Variants in TPD52L1 observed in about 807,000 individuals in gnomAD.
TPD52L1 encodes the protein TPD52 like 1.
Under a neutral mutation model 28.7 loss-of-function variants are expected in TPD52L1, and 18 were observed. The observed-to-expected ratio is 0.63, with a 90% CI of 0.43 to 0.93. TPD52L1 has a LOEUF of 0.93. Ranked by LOEUF, TPD52L1 falls within the 40% of genes least tolerant of loss-of-function variation. The pLI, the probability that TPD52L1 is intolerant of heterozygous loss-of-function variation, is 0.00. For missense variants in TPD52L1, 203 were observed against 254.8 expected, an observed-to-expected ratio of 0.80 and a Z score of 1.39; for synonymous variants, 75 against 88.8, an observed-to-expected ratio of 0.84 and a Z score of 0.88.
At chr6:125,169,455 CCCT>C (rs1013899188) in intron 1 of TPD52L1, among the ~76,000 whole-genome samples, 4 of 152,162 alleles carry the variant, frequency 2.6e-5, no homozygotes, top group African/African-American at 9.7e-5. Context: ...CTCCTGAGCT[CCCT>C]CCTCCAAAAT....
intron 4 of TPD52L1, chr6:125,252,134 A>G: frequency 1.5e-6 from 2 of 1,341,476 alleles, no homozygotes; most frequent in Admixed American, 4.1e-5. Context: ...GCCTGAACCA[A>G]CAAAACTACA....
chr6:125,256,190 A>G (rs1321133493), intron 5 of TPD52L1, among the ~76,000 whole-genome samples: 6 of 152,136 alleles, frequency 3.9e-5, no homozygotes, highest in Non-Finnish European at 8.8e-5. Context: ...TCTACTAAAA[A>G]TTCAAAAAAA....
chr6:125,216,061 GTCTA>G (rs1249838412), intron 1 of TPD52L1, among the ~76,000 whole-genome samples: 4 of 152,150 alleles, frequency 2.6e-5, no homozygotes, highest in Admixed American at 1.3e-4. Context: ...TACTTTCTGG[GTCTA>G]TCTCTCATAG....
Position 125,180,567 on chromosome 6 carries a change from TATAC to T in TPD52L1, c.19+26599_19+26602del, listed in dbSNP as rs760280954. ...CATACACACACACACATATATTATA[TATAC>T]ACACACACACACACACACACACACT... On this transcript the variant is annotated intron_variant, in intron 1 of 6. Transcript: ENST00000534000. Among the ~76,000 whole-genome samples, 12 of 146,874 alleles carry T rather than the reference TATAC, an allele frequency of 8.2e-5. No homozygotes were observed. In the South Asian group the frequency reaches 2.4e-3, roughly 29 times the overall value.
At chr6:125,213,727 T>C (rs1794668718) in intron 1 of TPD52L1, among the ~76,000 whole-genome samples, 1 of 152,110 alleles carries the variant, frequency 6.6e-6, no homozygotes, top group African/African-American at 2.4e-5. Flanking sequence ...CCAACACCCC[T>C]GGACCTGCCA....
At chr6:125,159,989 A>T (rs899461028) in intron 1 of TPD52L1, among the ~76,000 whole-genome samples, 1 of 152,178 alleles carries the variant, frequency 6.6e-6, no homozygotes, top group African/African-American at 2.4e-5. Context: ...CTCACGAGAC[A>T]TGATGGTTTT....
At chr6:125,221,289 G>A (rs1336245183) in intron 2 of TPD52L1, among the ~76,000 whole-genome samples, 1 of 152,190 alleles carries the variant, frequency 6.6e-6, no homozygotes, top group Non-Finnish European at 1.5e-5. Flanking sequence ...TGGCCACTGA[G>A]TGGCTGCACG....
At chr6:125,186,819 A>C (rs1014310407) in intron 1 of TPD52L1, among the ~76,000 whole-genome samples, 1 of 152,216 alleles carries the variant, frequency 6.6e-6, no homozygotes, top group African/African-American at 2.4e-5. Context: ...AGTTAATTTT[A>C]TATAGATTAA....
intron 5 of TPD52L1, 67 bp from the exon 6 acceptor site, chr6:125,257,031 A>T: frequency 7.0e-7 from 1 of 1,438,614 alleles, no homozygotes; most frequent in Non-Finnish European, 9.5e-7. Context: ...TGAGCAGAAA[A>T]CCAAACAGCA....
rs1795124586 is a variant in TPD52L1 at position 125,219,954 on chromosome 6, G to A, written c.20-124G>A. 6 of 753,124 alleles carry A rather than the reference G, an allele frequency of 8.0e-6. No homozygotes were observed. The East Asian group carries it at 1.6e-4, about 20-fold the overall frequency. 46.7% of individuals were successfully genotyped at this position (753,124 alleles called of 1,614,324 possible). ...TTTAGGAGGATTTTTGTCTTTTCTGGAATTTTTAGTTGTTTTTTGGTGGGA... is the reference window on the plus strand; with the variant it reads ...TTTAGGAGGATTTTTGTCTTTTCTGAAATTTTTAGTTGTTTTTTGGTGGGA... On this transcript the variant is annotated intron_variant, in intron 1 of 6. Transcript: ENST00000534000.
At chr6:125,252,893 G>A in intron 4 of TPD52L1, 1 of 152,218 alleles carries the variant, frequency 6.6e-6, no homozygotes, top group East Asian at 1.9e-4. Context: ...TTTGGTCCCT[G>A]AACTATTAGC....
chr6:125,219,874 T>G, intron 1 of TPD52L1: 1 of 594,132 alleles, frequency 1.7e-6, no homozygotes. Flanking sequence ...TTCTCTTAAT[T>G]TTTTTCTTTT....
intron 1 of TPD52L1, among the ~76,000 whole-genome samples, chr6:125,185,249 G>A (rs1306627156): frequency 2.0e-5 from 3 of 152,148 alleles, no homozygotes; most frequent in Non-Finnish European, 4.4e-5. Context: ...GTAGATAACA[G>A]GTTAGGACAG....
intron 1 of TPD52L1, among the ~76,000 whole-genome samples, chr6:125,172,009 C>T (rs1004778495): frequency 2.0e-5 from 3 of 151,832 alleles, no homozygotes; most frequent in East Asian, 3.9e-4. Flanking sequence ...CTATTTAAAA[C>T]GGTACCCTTC....
chr6:125,172,108 CTTTCTTTCTTT>C (rs1562209990), intron 1 of TPD52L1, among the ~76,000 whole-genome samples: 1,267 of 69,334 alleles, frequency 0.018, 38 homozygotes, highest in Admixed American at 0.022. Flanking sequence ...CCCTTTCTTT[CTTTCTTTCTTT>C]CTTTCTTTCT....
chr6:125,184,282 A>G (rs1582879888), intron 1 of TPD52L1, among the ~76,000 whole-genome samples: 1 of 152,240 alleles, frequency 6.6e-6, no homozygotes, highest in Admixed American at 6.5e-5. Flanking sequence ...CATCGGCTCC[A>G]TAACTGCTCC....
chr6:125,183,340 ATAG>A (rs899321027), intron 1 of TPD52L1, among the ~76,000 whole-genome samples: 7 of 152,164 alleles, frequency 4.6e-5, no homozygotes, highest in African/African-American at 9.7e-5. Context: ...TCAGCTGGAC[ATAG>A]TGGTGTGTGC....
At chr6:125,252,104 C>T (rs1797309562) in intron 4 of TPD52L1, 1 of 1,516,542 alleles carries the variant, frequency 6.6e-7, no homozygotes, top group African/African-American at 1.4e-5. Flanking sequence ...TTCCAGGGCT[C>T]CCTGTTTCTT....
intron 3 of TPD52L1, among the ~76,000 whole-genome samples, chr6:125,243,680 G>C (rs1796753919): frequency 6.6e-6 from 1 of 151,838 alleles, no homozygotes. Context: ...TATTTCTCTG[G>C]AAAATTTTTT....
Sources: gnomAD v4.1 joint callset for allele counts (sites outside exome capture counted in the v4.1 genomes callset) on GRCh38, gnomAD v4.1.1 for gene constraint, MANE v1.5 for transcripts, NCBI Gene and HGNC (gene_info 2026-07-23, HGNC 2026-07-21) for gene names.